Variants in RYR1 observed in about 807,000 individuals in gnomAD.
RYR1 encodes central core disease of muscle.
In RYR1, 342 loss-of-function variants were observed where a neutral mutation model predicts 583.5. That is an observed-to-expected ratio of 0.59 (90% CI 0.54 to 0.64). RYR1 has a LOEUF of 0.64. Among genes scored for constraint, RYR1 ranks in the 30% least tolerant of loss-of-function variants. RYR1 has a pLI of 0.00. For synonymous variants in RYR1, 2,791 were observed against 2,822.5 expected, an observed-to-expected ratio of 0.99 and a Z score of 0.35; for missense variants, 6,032 against 6,917.2, an observed-to-expected ratio of 0.87 and a Z score of 4.54.
At chr19:38,545,206 G>A (rs1022803676) in intron 87 of RYR1, among the ~76,000 whole-genome samples, 3 of 152,186 alleles carry the variant, frequency 2.0e-5, no homozygotes, top group Non-Finnish European at 4.4e-5. Flanking sequence ...TATAGAACCA[G>A]GAGGTAGGGT....
At chr19:38,437,270 C>T (rs529698686) in intron 1 of RYR1, among the ~76,000 whole-genome samples, 15 of 152,004 alleles carry the variant, frequency 9.9e-5, no homozygotes, top group Non-Finnish European at 1.9e-4. Context: ...AGGCTGGTCT[C>T]GAACTCCTGA....
chr19:38,451,806 C>A lies in RYR1; in HGVS notation c.1165C>A (p.Leu389Met), dbSNP rs148587119. ...QEGHMDDALS[L>M]TRCQQEESQA... Reference sequence around the variant, plus strand: ...GGGCCACATGGACGACGCACTGTCGCTGACCCGCTGCCAGCAGGAGGAGTC... The same window carrying A: ...GGGCCACATGGACGACGCACTGTCGATGACCCGCTGCCAGCAGGAGGAGTC... The change falls in exon 12 of 106, where the codon CTG becomes ATG. Residue 389 changes from leucine to methionine, a missense_variant. Transcript: ENST00000359596. 1.9e-6 allele frequency: 3 copies of A among 1,614,032 alleles called. No individual in the cohort carries two copies. The highest frequency in any genetic ancestry group is 2.5e-6 in the Non-Finnish European group (3 of 1,180,032).
At chr19:38,441,325 A>G (rs1457410875) in intron 2 of RYR1, among the ~76,000 whole-genome samples, 2 of 140,090 alleles carry the variant, frequency 1.4e-5, no homozygotes, top group African/African-American at 5.4e-5. Context: ...GAGGGGTTTT[A>G]TTTTTTATTT....
rs1234571008 is a variant in RYR1, at chr19:38,507,563, G to C, written c.8817-149G>C. On this transcript the variant is annotated intron_variant, in intron 57 of 105. Coordinates refer to ENST00000359596, the MANE Select transcript of RYR1 (RefSeq NM_000540.3). ...GAGGGGAGAAGGCTAAGTGGGGTGG[G>C]GCATGGGGGACTCAGAGTGGAGCCC... The C allele has an allele frequency of 2.1e-5, 15 of 701,848 alleles. No individual in the cohort carries two copies. The East Asian group carries it at 4.0e-4, about 19-fold the overall frequency. 43.5% of individuals were successfully genotyped at this position (701,848 alleles called of 1,614,324 possible). A position where few individuals can be genotyped will look rare whatever the true frequency, so the allele number is the denominator to read the frequency against.
Position 38,528,690 on chromosome 19 carries a change from C to T in RYR1, c.11029C>T (p.Leu3677Phe), listed in dbSNP as rs2145723953. Residue 3677 changes from leucine to phenylalanine, a missense_variant, in exon 75 of 106, where the codon CTT becomes TTT. Physicochemically the swap from Leu to Phe is conservative, Grantham distance 22. Coordinates refer to ENST00000359596, the MANE Select transcript of RYR1 (RefSeq NM_000540.3). ...TTTTGAGGACCGCATGATAGATGAC[C>T]TTTCAGTGAGCTGGGACCCGCCTGG... is the stretch of plus-strand genomic sequence containing the variant. The part of the protein sequence containing the change: ...HSFEDRMIDD[L>F]SKAGEQEEEE... 2 of 1,614,134 alleles carry T rather than the reference C, an allele frequency of 1.2e-6. No homozygotes were observed. Among genetic ancestry groups the T allele is most frequent in the African/African-American group, 1.3e-5 (1 of 75,032 alleles).
chr19:38,578,078 G>C (rs745756320), intron 98 of RYR1, 30 bp downstream of exon 98: 2 of 1,613,696 alleles, frequency 1.2e-6, no homozygotes, highest in Admixed American at 3.3e-5. Context: ...GCACAGGCCT[G>C]GGGCATGCAG....
Position 38,504,324 on chromosome 19 carries a change from A to T in RYR1, c.8031A>T (p.Lys2677Asn), listed in dbSNP as rs749617443. 3 of 1,613,790 alleles carry T rather than the reference A, an allele frequency of 1.9e-6. No individual in the cohort carries two copies. The highest frequency in any genetic ancestry group is 2.2e-5 in the South Asian group (2 of 91,064). ...TSEEELHLTR[K>N]LFWGIFDSLA... ...AGGAGGAGCTGCACCTCACACGGAA[A>T]CTCTTCTGGGGCATCTTTGACTCTC... The change falls in exon 50 of 106, where the codon AAA becomes AAT. Residue 2677 changes from lysine (K) to asparagine (N), a missense_variant. This residue lies in a region of RYR1 where 1,493 missense variants were observed against 1,715.5 expected (regional missense o/e 0.87). Transcript: ENST00000359596.
At position 38,517,564 on chromosome 19, in the gene RYR1, C is replaced by G. The variant is rs764839238; in HGVS notation, c.9891C>G (p.Pro3297=). The change falls in exon 66 of 106, where the codon CCC becomes CCG. Residue 3297 remains proline (P), a synonymous_variant. Coordinates refer to ENST00000359596, the MANE Select transcript of RYR1 (RefSeq NM_000540.3). The part of the protein sequence containing the change: ...RGPEAPPSAL[P]AGAPPPCTAV... ...CCGAGGCACCCCCTTCCGCCCTGCCCGCCGGCGCCCCCCCACCCTGCACAG... is the reference window on the plus strand; with the variant it reads ...CCGAGGCACCCCCTTCCGCCCTGCCGGCCGGCGCCCCCCCACCCTGCACAG... 6.8e-6 allele frequency: 11 copies of G among 1,613,836 alleles called. No individual in the cohort carries two copies. The South Asian group carries it at 1.2e-4, about 18-fold the overall frequency.
intron 101 of RYR1, 109 bp from the exon 102 acceptor site, chr19:38,584,834 A>C (rs1435052888): frequency 1.8e-5 from 24 of 1,344,140 alleles, no homozygotes; most frequent in Non-Finnish European, 3.2e-6. Context: ...GGCAGGGCCC[A>C]GGGCTGTCTC....
At chr19:38,459,008 G>A (rs770051047) in intron 18 of RYR1, 138 bp from the exon 19 acceptor site, 137 of 756,460 alleles carry the variant, frequency 1.8e-4, no homozygotes, top group Non-Finnish European at 2.7e-4. Flanking sequence ...AGCTACGGGA[G>A]CATCCAAGGG....
chr19:38,573,945 A>G (rs1973841964), intron 96 of RYR1, among the ~76,000 whole-genome samples: 1 of 152,032 alleles, frequency 6.6e-6, no homozygotes, highest in Admixed American at 6.6e-5. Flanking sequence ...AATGAGTGCA[A>G]AATAAAAAAA....
At chr19:38,556,128 T>C (rs1972869075) in intron 89 of RYR1, among the ~76,000 whole-genome samples, 1 of 152,090 alleles carries the variant, frequency 6.6e-6, no homozygotes, top group Non-Finnish European at 1.5e-5. Context: ...CCTCCGAAAG[T>C]GCTGGGATTA....
In RYR1 at chr19:38,464,631, A is replaced by C. The variant is rs1248345150; in HGVS notation, c.2787-8A>C. The C allele has an allele frequency of 1.3e-6, 2 of 1,572,344 alleles. No individual in the cohort carries two copies. Among genetic ancestry groups the C allele is most frequent in the South Asian group, 1.2e-5 (1 of 85,550 alleles). On this transcript the variant is annotated splice_polypyrimidine_tract_variant and splice_region_variant and intron_variant, in intron 22 of 105. Transcript: ENST00000359596. ...CGTGACCTGTCGCCTCCACTCCCCC[A>C]CCCCCAGGACTCTGCTGGCTCTGGG...
chr19:38,484,927 C>T (rs1165588598), intron 33 of RYR1, among the ~76,000 whole-genome samples: 3 of 151,800 alleles, frequency 2.0e-5, no homozygotes, highest in Non-Finnish European at 4.4e-5. Flanking sequence ...GCTAGGATCG[C>T]ACCACTGCAC....
intron 66 of RYR1, among the ~76,000 whole-genome samples, chr19:38,518,776 A>G (rs1883630924): frequency 1.3e-5 from 2 of 151,992 alleles, no homozygotes; most frequent in Non-Finnish European, 2.9e-5. Flanking sequence ...CAAAAATACA[A>G]AAGTTAGCTG....
At chr19:38,542,259 A>G (rs940420831) in intron 84 of RYR1, among the ~76,000 whole-genome samples, 14 of 152,088 alleles carry the variant, frequency 9.2e-5, no homozygotes, top group African/African-American at 3.4e-4. Flanking sequence ...TAAATGAACA[A>G]GTGACCAATC....
chr19:38,517,753 T>G (rs1269707174), intron 66 of RYR1, 62 bp downstream of exon 66: 1 of 1,520,866 alleles, frequency 6.6e-7, no homozygotes, highest in African/African-American at 1.4e-5. Context: ...CCTTGGCAGA[T>G]GGTCTGAAAG....
intron 84 of RYR1, among the ~76,000 whole-genome samples, chr19:38,541,810 A>G (rs1391190330): frequency 2.0e-5 from 3 of 151,644 alleles, no homozygotes; most frequent in African/African-American, 7.3e-5. Flanking sequence ...GGGGCTGGAC[A>G]TACGGCTCAT....
intron 96 of RYR1, 122 bp downstream of exon 96, chr19:38,573,429 C>A: frequency 1.5e-6 from 2 of 1,300,362 alleles, no homozygotes; most frequent in South Asian, 1.4e-5. Flanking sequence ...CACCTGTAAT[C>A]CCGGCACTTT....
Sources: allele counts gnomAD v4.1 joint callset (sites outside exome capture counted in the v4.1 genomes callset), GRCh38; gene constraint gnomAD v4.1.1; regional missense constraint gnomAD v4.1.1; transcripts MANE v1.5; gene names NCBI Gene and HGNC (gene_info 2026-07-23, HGNC 2026-07-21).